FGF10: variants seen among roughly 807,000 people sequenced by gnomAD.
FGF10 encodes the protein fibroblast growth factor 10.
Under a neutral mutation model 19.8 loss-of-function variants are expected in FGF10, and 2 were observed. The observed-to-expected ratio is 0.10, with a 90% confidence interval of 0.04 to 0.32. The LOEUF is 0.32. Among genes scored for constraint, FGF10 ranks in the 10% least tolerant of loss-of-function variants. The pLI is 1.00. For synonymous variants in FGF10, 112 were observed against 94.0 expected, an observed-to-expected ratio of 1.19 and a Z score of -1.10; for missense variants, 191 against 246.3, an observed-to-expected ratio of 0.78 and a Z score of 1.50.
At chr5:44,372,660 C>A (rs1236362159) in intron 1 of FGF10, among the ~76,000 whole-genome samples, 2 of 152,020 alleles carry the variant, frequency 1.3e-5, no homozygotes, top group Admixed American at 6.6e-5. Flanking sequence ...CTATCCTGGG[C>A]AAAATTATTC....
At chr5:44,324,475 T>C (rs1208477008) in intron 1 of FGF10, among the ~76,000 whole-genome samples, 1 of 152,140 alleles carries the variant, frequency 6.6e-6, no homozygotes, top group East Asian at 1.9e-4. Context: ...TATCATATCT[T>C]GAAGAAATGT....
In FGF10 at chr5:44,328,958, T is replaced by C. The variant is rs1355088658; in HGVS notation, c.326-18428A>G. 3.3e-5 allele frequency among the ~76,000 whole-genome samples: 5 copies of C among 152,038 alleles called. No individual in the cohort carries two copies. The South Asian group carries it at 1.0e-3, about 31-fold the overall frequency. Reference sequence around the variant, plus strand: ...GCTGCAGTGAGCCACGATTGCACCATTACAATCCAGCCTAGGTGACAGAGT... The same window carrying C: ...GCTGCAGTGAGCCACGATTGCACCACTACAATCCAGCCTAGGTGACAGAGT... On this transcript the variant is annotated intron_variant, in intron 1 of 2. Transcript: ENST00000264664.
chr5:44,364,400 G>T (rs1285926039), intron 1 of FGF10, among the ~76,000 whole-genome samples: 2 of 151,790 alleles, frequency 1.3e-5, no homozygotes, highest in Non-Finnish European at 2.9e-5. Context: ...TCCAAATATA[G>T]TCAGATTTTC....
chr5:44,345,519 CT>C (rs1386134543), intron 1 of FGF10, among the ~76,000 whole-genome samples: 1 of 151,630 alleles, frequency 6.6e-6, no homozygotes, highest in African/African-American at 2.4e-5. Flanking sequence ...CAAAAACAAC[CT>C]TATTTTGACC....
At chr5:44,376,941 C>A (rs543450399) in intron 1 of FGF10, among the ~76,000 whole-genome samples, 1 of 151,852 alleles carries the variant, frequency 6.6e-6, no homozygotes, top group African/African-American at 2.4e-5. Flanking sequence ...TAATATTTTG[C>A]CAGAAAGTTT....
chr5:44,362,952 A>G lies in FGF10; in HGVS notation c.325+25406T>C, dbSNP rs1189307940. 2.0e-5 allele frequency among the ~76,000 whole-genome samples: 3 copies of G among 151,812 alleles called. No individual in the cohort carries two copies. The East Asian group carries it at 5.9e-4, about 30-fold the overall frequency. On this transcript the variant is annotated intron_variant, in intron 1 of 2. Transcript: ENST00000264664. ...TCTCTGGTTTTAGTGGGAGACAGCA[A>G]TTATTAATTATGTTGTCCCCAAAAT... is the stretch of plus-strand genomic sequence containing the variant.
At chr5:44,351,197 C>T (rs915330894) in intron 1 of FGF10, among the ~76,000 whole-genome samples, 1 of 151,406 alleles carries the variant, frequency 6.6e-6, no homozygotes, top group East Asian at 1.9e-4. Flanking sequence ...TTATCTCATT[C>T]AAAATACACT....
intron 1 of FGF10, among the ~76,000 whole-genome samples, chr5:44,357,634 A>G (rs1462017088): frequency 6.6e-6 from 1 of 151,422 alleles, no homozygotes; most frequent in East Asian, 1.9e-4. Context: ...TGAAGCCAGG[A>G]TTCAAACTCA....
intron 1 of FGF10, among the ~76,000 whole-genome samples, chr5:44,314,404 A>G (rs1189118363): frequency 6.6e-6 from 1 of 152,218 alleles, no homozygotes; most frequent in East Asian, 1.9e-4. Context: ...AATAGTAGCA[A>G]TCTATAAAGC....
Position 44,370,089 on chromosome 5 carries a change from G to T in FGF10, c.325+18269C>A, listed in dbSNP as rs568714122. Among the ~76,000 whole-genome samples the T allele has an allele frequency of 4.6e-5, 7 of 152,162 alleles. No individual in the cohort carries two copies. In the South Asian group the frequency reaches 1.5e-3, roughly 32 times the overall value. On this transcript the variant is annotated intron_variant, in intron 1 of 2. Coordinates refer to ENST00000264664, the MANE Select transcript of FGF10 (RefSeq NM_004465.2). ...CTTTTATAATTTTCATTTTGAGCAAGCACACTAGTTCATTCTGAGCATGTG... is the reference window on the plus strand; with the variant it reads ...CTTTTATAATTTTCATTTTGAGCAATCACACTAGTTCATTCTGAGCATGTG...
At chr5:44,362,146 C>A (rs1741498785) in intron 1 of FGF10, among the ~76,000 whole-genome samples, 1 of 151,644 alleles carries the variant, frequency 6.6e-6, no homozygotes, top group South Asian at 2.1e-4. Flanking sequence ...TGCTATTTAC[C>A]ATCTTTGTGA....
intron 1 of FGF10, among the ~76,000 whole-genome samples, chr5:44,325,521 G>A (rs1225070621): frequency 6.6e-6 from 1 of 152,116 alleles, no homozygotes; most frequent in African/African-American, 2.4e-5. Context: ...TTAAAAAAAT[G>A]TGGCACATAT....
At chr5:44,308,610 A>G (rs1315882064) in intron 2 of FGF10, among the ~76,000 whole-genome samples, 1 of 152,148 alleles carries the variant, frequency 6.6e-6, no homozygotes, top group Non-Finnish European at 1.5e-5. Context: ...ACCACTTTTT[A>G]TAATGGTCTG....
Position 44,358,802 on chromosome 5 carries a change from C to T in FGF10, c.325+29556G>A, listed in dbSNP as rs534228557. Among the ~76,000 whole-genome samples the T allele has an allele frequency of 2.0e-5, 3 of 151,506 alleles. No individual in the cohort carries two copies. In the East Asian group the frequency reaches 5.9e-4, roughly 30 times the overall value. ...CCATGTGGTGCATATTACCTCCGCA[C>T]ATCAGTTTTAATGGTACATGCTCTA... On this transcript the variant is annotated intron_variant, in intron 1 of 2. Transcript: ENST00000264664.
intron 1 of FGF10, among the ~76,000 whole-genome samples, chr5:44,316,501 A>G (rs1199471331): frequency 6.6e-6 from 1 of 152,210 alleles, no homozygotes; most frequent in Non-Finnish European, 1.5e-5. Flanking sequence ...AGATTGGAGT[A>G]GAGAATTAGA....
Position 44,328,866 on chromosome 5 carries a change from C to T in FGF10, c.326-18336G>A, listed in dbSNP as rs528442350. On this transcript the variant is annotated intron_variant, in intron 1 of 2. Transcript: ENST00000264664. ...ATACAAAATTATCTGGGTATGGCAGCGCACACCTGTAGTTGCAGCTACTGA... is the reference window on the plus strand; with the variant it reads ...ATACAAAATTATCTGGGTATGGCAGTGCACACCTGTAGTTGCAGCTACTGA... 3.5e-4 allele frequency among the ~76,000 whole-genome samples: 53 copies of T among 152,208 alleles called. 1 individual carries two copies. Among genetic ancestry groups the T allele is most frequent in the African/African-American group, 1.2e-3 (51 of 41,536 alleles).
intron 1 of FGF10, among the ~76,000 whole-genome samples, chr5:44,377,406 A>G (rs1741890591): frequency 6.6e-6 from 1 of 152,256 alleles, no homozygotes; most frequent in African/African-American, 2.4e-5. Flanking sequence ...ACCAAGTTTA[A>G]TAAGAACTAA....
rs56194673 is a variant in FGF10, at chr5:44,302,282, GCTTCCTTCCTTCCTTC to G, written c.*2697_*2712del. 0.028 allele frequency among the ~76,000 whole-genome samples: 3,430 copies of G among 122,190 alleles called. 58 individuals carry two copies. Among genetic ancestry groups the G allele is most frequent in the South Asian group, 0.041 (134 of 3,300 alleles). The allele number at this position is 122,190 out of a possible 152,430, so 80.2% of individuals were successfully genotyped here. A position where few individuals can be genotyped will look rare whatever the true frequency, so the allele number is the denominator to read the frequency against. ...TCTTTCCTTCCTTCCTTCTTTCCTT[GCTTCCTTCCTTCCTTC>G]CTTCCTTCCTTCCTTCCTTCCTTCC... On this transcript the variant is annotated 3_prime_UTR_variant, in exon 3 of 3. Coordinates refer to ENST00000264664, the MANE Select transcript of FGF10 (RefSeq NM_004465.2).
At chr5:44,387,766 A>ACAAAT in intron 1 of FGF10, among the ~76,000 whole-genome samples, 1 of 152,224 alleles carries the variant, frequency 6.6e-6, no homozygotes, top group East Asian at 1.9e-4. Flanking sequence ...ACAAAACAAA[A>ACAAAT]ATCAAAACCA....
Sources: gnomAD v4.1 joint callset for allele counts (sites outside exome capture counted in the v4.1 genomes callset) on GRCh38, gnomAD v4.1.1 for gene constraint, MANE v1.5 for transcripts, NCBI Gene and HGNC (gene_info 2026-07-23, HGNC 2026-07-21) for gene names.